The following SEMA3D variants were observed in gnomAD, a reference collection of about 807,000 sequenced individuals.
The protein encoded by SEMA3D is semaphorin-3D.
A neutral mutation model predicts 100.1 loss-of-function variants in SEMA3D; 84 were observed. The ratio of observed to expected loss-of-function variants is 0.84; its 90% CI spans 0.70 to 1.01. The LOEUF (loss-of-function observed/expected upper bound fraction) is 1.01. Ranked by LOEUF, SEMA3D falls within the 50% of genes least tolerant of loss-of-function variation. The pLI is 0.00. For synonymous variants in SEMA3D, 312 were observed against 320.7 expected, an observed-to-expected ratio of 0.97 and a Z score of 0.29; for missense variants, 875 against 934.1, an observed-to-expected ratio of 0.94 and a Z score of 0.82.
chr7:84,999,739 G>C lies in SEMA3D; in HGVS notation c.2035C>G (p.Leu679Val), dbSNP rs1484817185. Residue 679 changes from leucine (L) to valine (V), a missense_variant, in exon 19 of 19, where the codon CTG (leucine) becomes GTG (valine). Leu to Val is a conservative substitution (Grantham distance 32, BLOSUM62 1). Coordinates refer to ENST00000284136, the MANE Select transcript of SEMA3D (RefSeq NM_001384900.1). ...TCATTCTCAATGACATTCAAAGTCA[G>C]CTTCACTATGGTGTGGATGAAAGTG... ...EHTFIHTIVK[L>V]TLNVIENEQM... The C allele has an allele frequency of 8.1e-6, 13 of 1,613,926 alleles. No homozygotes were observed. The highest frequency in any genetic ancestry group is 1.1e-5 in the Non-Finnish European group (13 of 1,180,030).
At chr7:85,159,749 A>T (rs930325685) in intron 1 of SEMA3D, 1 of 691,570 alleles carries the variant, frequency 1.4e-6, no homozygotes, top group Non-Finnish European at 1.8e-6. Flanking sequence ...CAGTGACAGA[A>T]TGTAAATGAT....
At chr7:85,219,454 CAT>C in the SEMA3D span, among the ~76,000 whole-genome samples, 2 of 151,744 alleles carry the variant, frequency 1.3e-5, no homozygotes, top group Non-Finnish European at 2.9e-5. Context: ...AAATGAAAGA[CAT>C]TTTTTTTAGC....
chr7:85,102,676 G>T (rs551014407), intron 3 of SEMA3D, among the ~76,000 whole-genome samples: 1 of 152,148 alleles, frequency 6.6e-6, no homozygotes, highest in Admixed American at 6.6e-5. Flanking sequence ...GGATGAGAAT[G>T]GGGAAAGGTG....
chr7:85,105,051 A>G (rs1788872398), intron 3 of SEMA3D, among the ~76,000 whole-genome samples: 1 of 152,072 alleles, frequency 6.6e-6, no homozygotes, highest in East Asian at 1.9e-4. Context: ...TTCCTTCAGG[A>G]AATAGCAGTT....
At position 85,163,772 on chromosome 7, in the gene SEMA3D, C is replaced by A. The variant is rs549524170; in HGVS notation, c.-172-10033G>T. On this transcript the variant is annotated intron_variant, in intron 1 of 18. Coordinates refer to ENST00000284136, the MANE Select transcript of SEMA3D (RefSeq NM_001384900.1). The stretch of plus-strand genomic sequence containing the variant: ...CATTCCCAGAATTGCTTTCAACCAG[C>A]CAAATGTTTCAATCCTGATTCAAGT... Among the ~76,000 whole-genome samples, 398 of 152,146 alleles carry A rather than the reference C, an allele frequency of 2.6e-3. 2 individuals carry two copies. Among genetic ancestry groups the A allele is most frequent in the Non-Finnish European group, 4.4e-3 (296 of 67,968 alleles).
At chr7:85,196,762 G>A in the SEMA3D span, among the ~76,000 whole-genome samples, 2 of 151,960 alleles carry the variant, frequency 1.3e-5, no homozygotes, top group African/African-American at 4.8e-5. Context: ...TAGTGATCAA[G>A]GAAATGCAAA....
chr7:85,241,767 C>CACCAAATAACTTACTCAGGTA, the SEMA3D span, among the ~76,000 whole-genome samples: 10 of 151,296 alleles, frequency 6.6e-5, no homozygotes, highest in Non-Finnish European at 1.2e-4. Context: ...ACAAAATCAC[C>CACCAAATAACTTACTCAGGTA]ACCAAATAAC....
At chr7:85,124,525 G>C (rs1789513436) in intron 2 of SEMA3D, among the ~76,000 whole-genome samples, 1 of 92,098 alleles carries the variant, frequency 1.1e-5, no homozygotes, top group South Asian at 3.8e-4. Flanking sequence ...ACACAATAAA[G>C]TACCATAAAA....
intron 12 of SEMA3D, chr7:85,027,827 T>C: frequency 4.0e-6 from 2 of 506,022 alleles, no homozygotes; most frequent in Admixed American, 4.6e-5. Flanking sequence ...CACAAACATC[T>C]GTGTCTAAGT....
chr7:85,172,074 AAAG>A (rs1164918004), intron 1 of SEMA3D, among the ~76,000 whole-genome samples: 14 of 152,086 alleles, frequency 9.2e-5, no homozygotes, highest in African/African-American at 3.4e-4. Flanking sequence ...TCTGCACTAG[AAAG>A]AGTACAAGAA....
intron 18 of SEMA3D, among the ~76,000 whole-genome samples, chr7:85,003,823 A>C (rs537470532): frequency 6.6e-6 from 1 of 152,194 alleles, no homozygotes; most frequent in South Asian, 2.1e-4. Flanking sequence ...TTCATATTAA[A>C]CTGATAAAGA....
chr7:85,084,429 A>G (rs1252982946), intron 4 of SEMA3D, among the ~76,000 whole-genome samples: 1 of 152,164 alleles, frequency 6.6e-6, no homozygotes, highest in Non-Finnish European at 1.5e-5. Context: ...CTTCAATAAT[A>G]CAGTGATTTT....
At chr7:85,071,402 T>G (rs967187967) in intron 6 of SEMA3D, among the ~76,000 whole-genome samples, 12 of 152,212 alleles carry the variant, frequency 7.9e-5, no homozygotes, top group African/African-American at 2.9e-4. Context: ...AGTTGTGGGT[T>G]TGATCTCTGT....
chr7:85,203,016 GGTAAAATGA>G, the SEMA3D span, among the ~76,000 whole-genome samples: 1 of 152,184 alleles, frequency 6.6e-6, no homozygotes, highest in East Asian at 1.9e-4. Context: ...GTTCATCTGT[GGTAAAATGA>G]GGTAGGACAG....
rs897843208 is a variant in SEMA3D, at chr7:84,996,360, G to C, written c.*3080C>G. On this transcript the variant is annotated 3_prime_UTR_variant, in exon 19 of 19. Transcript: ENST00000284136. ...CAAGAGTAAGACCATTTTGTAGCCA[G>C]CATATTGTAAAGAGCATTATTTTAG... The C allele has an allele frequency of 1.3e-5, 2 of 151,964 alleles. No individual in the cohort carries two copies. Among genetic ancestry groups the C allele is most frequent in the Non-Finnish European group, 2.9e-5 (2 of 67,854 alleles). 9.4% of individuals were successfully genotyped at this position (151,964 alleles called of 1,614,324 possible). A position where few individuals can be genotyped will look rare whatever the true frequency, so the allele number is the denominator to read the frequency against.
chr7:85,103,992 T>A (rs1161550644), intron 3 of SEMA3D, among the ~76,000 whole-genome samples: 1 of 151,912 alleles, frequency 6.6e-6, no homozygotes, highest in East Asian at 1.9e-4. Context: ...TTTTGAAGAG[T>A]TTCTTCATTT....
At chr7:85,177,917 C>CACA (rs1259894643) in intron 1 of SEMA3D, among the ~76,000 whole-genome samples, 1 of 152,116 alleles carries the variant, frequency 6.6e-6, no homozygotes, top group African/African-American at 2.4e-5. Context: ...AATACCCATG[C>CACA]ATTGTGCAAG....
At chr7:85,237,938 C>T in the SEMA3D span, among the ~76,000 whole-genome samples, 1 of 152,164 alleles carries the variant, frequency 6.6e-6, no homozygotes, top group Non-Finnish European at 1.5e-5. Context: ...TTGGTGTTGT[C>T]AGTGTTTTGG....
chr7:85,168,166 T>C (rs1457123553), intron 1 of SEMA3D, among the ~76,000 whole-genome samples: 1 of 151,820 alleles, frequency 6.6e-6, no homozygotes, highest in African/African-American at 2.4e-5. Flanking sequence ...AAGACAACTA[T>C]AAATATGTGG....
Sources: gnomAD v4.1 joint callset for allele counts (sites outside exome capture counted in the v4.1 genomes callset) on GRCh38, gnomAD v4.1.1 for gene constraint, MANE v1.5 for transcripts, NCBI Gene and HGNC (gene_info 2026-07-23, HGNC 2026-07-21) for gene names.